Variants in PKHD1 observed in about 807,000 individuals in gnomAD.
The protein encoded by PKHD1 is fibrocystin.
A neutral mutation model predicts 412.0 loss-of-function variants in PKHD1; 291 were observed. The ratio of observed to expected loss-of-function variants is 0.71; its 90% CI spans 0.64 to 0.78. The LOEUF (loss-of-function observed/expected upper bound fraction) is 0.78, where lower values mean the gene tolerates loss of function less well. PKHD1 is among the 30% of genes least tolerant of loss of function. PKHD1 has a pLI of 0.00. For synonymous variants in PKHD1, 1,777 were observed against 1,821.5 expected (o/e 0.98, Z 0.62); for missense variants, 4,825 against 4,950.7 (o/e 0.97, Z 0.76).
intron 61 of PKHD1, among the ~76,000 whole-genome samples, chr6:51,651,491 A>T (rs1391143652): frequency 1.3e-5 from 2 of 152,172 alleles, no homozygotes; most frequent in African/African-American, 4.8e-5. Context: ...TTTATAATAC[A>T]TCAACTTGAC....
At chr6:51,723,452 G>A (rs1196513966) in intron 60 of PKHD1, among the ~76,000 whole-genome samples, 1 of 152,000 alleles carries the variant, frequency 6.6e-6, no homozygotes, top group East Asian at 1.9e-4. Context: ...TAATTACCTG[G>A]GTACTGTCAC....
At chr6:51,721,981 C>T (rs757388053) in intron 60 of PKHD1, 4 of 1,613,496 alleles carry the variant, frequency 2.5e-6, no homozygotes, top group Admixed American at 1.7e-5. Context: ...CTGCAGGCTC[C>T]TCCTCTATTC....
At chr6:51,765,441 C>T (rs1788823559) in intron 55 of PKHD1, among the ~76,000 whole-genome samples, 1 of 152,126 alleles carries the variant, frequency 6.6e-6, no homozygotes, top group South Asian at 2.1e-4. Flanking sequence ...TGGCACTTGC[C>T]ATATCAGACA....
At chr6:51,634,154 C>T (rs1031409152) in intron 64 of PKHD1, among the ~76,000 whole-genome samples, 5 of 151,962 alleles carry the variant, frequency 3.3e-5, no homozygotes, top group African/African-American at 4.8e-5. Context: ...CTTCTGCTTT[C>T]ATCCACATAA....
chr6:51,895,403 A>G (rs1779747935), intron 43 of PKHD1, among the ~76,000 whole-genome samples: 1 of 152,246 alleles, frequency 6.6e-6, no homozygotes, highest in Non-Finnish European at 1.5e-5. Flanking sequence ...TAGACTTTGC[A>G]AGATTTAATG....
intron 60 of PKHD1, among the ~76,000 whole-genome samples, chr6:51,695,369 C>T (rs1233182729): frequency 6.6e-6 from 1 of 151,946 alleles, no homozygotes; most frequent in Non-Finnish European, 1.5e-5. Context: ...CTCCATAGCA[C>T]TTAATACTGT....
intron 60 of PKHD1, among the ~76,000 whole-genome samples, chr6:51,703,848 TTG>T (rs1467663399): frequency 6.6e-6 from 1 of 152,056 alleles, no homozygotes; most frequent in African/African-American, 2.4e-5. Flanking sequence ...GGTACACATT[TTG>T]TGTTTTAATT....
rs115969815 is a variant in PKHD1 at position 51,785,704 on chromosome 6, T to C, written c.8440+5532A>G. On this transcript the variant is annotated intron_variant, in intron 53 of 66. Transcript: ENST00000371117. ...TTTTCTTTCCACCTATATAACTGTT[T>C]CTTTTTCATTCTTTTCCTGAACTCA... 6.9e-3 allele frequency among the ~76,000 whole-genome samples: 1,057 copies of C among 152,302 alleles called. 14 individuals are homozygous for C. The highest frequency in any genetic ancestry group is 0.024 in the African/African-American group (1,003 of 41,570).
chr6:51,902,816 C>T (rs1298133551), intron 43 of PKHD1, among the ~76,000 whole-genome samples: 1 of 152,134 alleles, frequency 6.6e-6, no homozygotes, highest in Non-Finnish European at 1.5e-5. Context: ...AATGTTTAAA[C>T]AGAAATGTGC....
intron 21 of PKHD1, among the ~76,000 whole-genome samples, chr6:52,052,602 T>G (rs569901413): frequency 2.0e-4 from 31 of 152,184 alleles, no homozygotes; most frequent in Non-Finnish European, 2.4e-4. Context: ...CAGCACCTGG[T>G]ATGACATATT....
Position 51,834,330 on chromosome 6 carries a change from C to T in PKHD1, c.8173+2074G>A, listed in dbSNP as rs530528827. On this transcript the variant is annotated intron_variant, in intron 51 of 66. Transcript: ENST00000371117. The stretch of plus-strand genomic sequence containing the variant: ...CCTGATTCTCAGAGATCAAAGAAAG[C>T]GACAAAAACTTAGGTCTGTGGGAAA... Among the ~76,000 whole-genome samples the T allele has an allele frequency of 2.4e-4, 36 of 152,138 alleles. No homozygotes were observed. In the South Asian group the frequency reaches 4.4e-3, roughly 18 times the overall value.
At chr6:51,867,187 A>T (rs1775217362) in intron 48 of PKHD1, among the ~76,000 whole-genome samples, 2 of 152,154 alleles carry the variant, frequency 1.3e-5, no homozygotes, top group Admixed American at 1.3e-4. Flanking sequence ...CTAAATATAT[A>T]CAATGCATTT....
chr6:51,862,394 T>G (rs1199718799), intron 48 of PKHD1, among the ~76,000 whole-genome samples: 3 of 152,214 alleles, frequency 2.0e-5, no homozygotes, highest in Non-Finnish European at 4.4e-5. Flanking sequence ...TTTAGATCTT[T>G]TTCTACTTTA....
At chr6:51,918,005 C>T (rs973266329) in intron 37 of PKHD1, among the ~76,000 whole-genome samples, 60 of 151,970 alleles carry the variant, frequency 3.9e-4, no homozygotes, top group Non-Finnish European at 4.4e-5. Context: ...GAGTCAAATC[C>T]TAAGACAAAC....
At chr6:51,682,323 T>G in intron 60 of PKHD1, 1 of 434,062 alleles carries the variant, frequency 2.3e-6, no homozygotes, top group Non-Finnish European at 4.6e-6. Flanking sequence ...AATATTCACT[T>G]TTTCTAATAC....
chr6:51,790,756 G>T (rs1793610031), intron 53 of PKHD1, among the ~76,000 whole-genome samples: 1 of 151,964 alleles, frequency 6.6e-6, no homozygotes, highest in South Asian at 2.1e-4. Context: ...ACACATCTTT[G>T]GGATTATTTG....
intron 24 of PKHD1, 35 bp downstream of exon 24, chr6:52,045,969 C>A (rs1331214617): frequency 6.9e-7 from 1 of 1,454,654 alleles, no homozygotes; most frequent in Admixed American, 1.7e-5. Context: ...TCCAGGGCAG[C>A]AAATCCATGC....
intron 52 of PKHD1, among the ~76,000 whole-genome samples, chr6:51,825,842 C>T (rs1215543045): frequency 6.6e-6 from 1 of 152,076 alleles, no homozygotes; most frequent in African/African-American, 2.4e-5. Flanking sequence ...TTCTTCCCTT[C>T]CCACTTGCTA....
At chr6:51,655,512 G>A (rs1015134087) in intron 61 of PKHD1, among the ~76,000 whole-genome samples, 2 of 152,040 alleles carry the variant, frequency 1.3e-5, no homozygotes, top group African/African-American at 4.8e-5. Context: ...ACAGTGTCAT[G>A]CTCACCCTCA....
Sources: allele counts gnomAD v4.1 joint callset (sites outside exome capture counted in the v4.1 genomes callset), GRCh38; gene constraint gnomAD v4.1.1; transcripts MANE v1.5; gene names NCBI Gene and HGNC (gene_info 2026-07-23, HGNC 2026-07-21).